PHACTR1: variants seen among roughly 807,000 people sequenced by gnomAD.
The protein encoded by PHACTR1 is phosphatase and actin regulator 1.
In PHACTR1, 16 loss-of-function variants were observed where a neutral mutation model predicts 69.2. That is an observed-to-expected ratio of 0.23 (90% CI 0.16 to 0.35). The LOEUF is 0.35. Among genes scored for constraint, PHACTR1 ranks in the 10% least tolerant of loss-of-function variants. PHACTR1 has a pLI of 1.00. For missense variants in PHACTR1, 510 were observed against 734.7 expected (o/e 0.69, Z 3.54); for synonymous variants, 312 against 284.5 (o/e 1.10, Z -0.97).
chr6:13,118,552 C>G (rs1481732321), intron 5 of PHACTR1, among the ~76,000 whole-genome samples: 1 of 145,410 alleles, frequency 6.9e-6, no homozygotes. Context: ...GATCTCGGCT[C>G]ACTGCAACCT....
intron 5 of PHACTR1, among the ~76,000 whole-genome samples, chr6:13,103,188 C>A (rs982998632): frequency 2.0e-5 from 3 of 152,136 alleles, no homozygotes; most frequent in African/African-American, 2.4e-5. Flanking sequence ...AAATGCCATG[C>A]TGTTAATTGC....
chr6:13,011,110 C>T (rs1177709385), intron 4 of PHACTR1, among the ~76,000 whole-genome samples: 1 of 152,140 alleles, frequency 6.6e-6, no homozygotes, highest in African/African-American at 2.4e-5. Flanking sequence ...TAATGATTCT[C>T]GAATTTAGTC....
chr6:13,110,006 GT>G (rs1816787434), intron 5 of PHACTR1, among the ~76,000 whole-genome samples: 1 of 151,332 alleles, frequency 6.6e-6, no homozygotes, highest in African/African-American at 2.4e-5. Flanking sequence ...TTTCTTTGTT[GT>G]TTTTTTAATA....
intron 4 of PHACTR1, among the ~76,000 whole-genome samples, chr6:12,889,752 T>C (rs1264105007): frequency 6.6e-6 from 1 of 151,842 alleles, no homozygotes; most frequent in Non-Finnish European, 1.5e-5. Context: ...TTTCTTCTTC[T>C]TCTTCTTCTT....
chr6:13,202,300 T>A (rs1341730726), intron 7 of PHACTR1, among the ~76,000 whole-genome samples: 1 of 152,182 alleles, frequency 6.6e-6, no homozygotes, highest in Non-Finnish European at 1.5e-5. Context: ...ATATAATCAC[T>A]GCTCCTTCCT....
At chr6:13,061,135 C>T (rs895050475) in intron 5 of PHACTR1, among the ~76,000 whole-genome samples, 1 of 152,176 alleles carries the variant, frequency 6.6e-6, no homozygotes, top group Non-Finnish European at 1.5e-5. Context: ...CATGGCATCT[C>T]TCTGTGTCTC....
At chr6:12,854,602 A>G (rs1210427380) in intron 4 of PHACTR1, among the ~76,000 whole-genome samples, 1 of 152,338 alleles carries the variant, frequency 6.6e-6, no homozygotes, top group African/African-American at 2.4e-5. Flanking sequence ...TAAACAGGCA[A>G]CCTACAGAAT....
Position 13,057,851 on chromosome 6 carries a change from A to G in PHACTR1, c.415+4322A>G, listed in dbSNP as rs117503951. Among the ~76,000 whole-genome samples, 129 of 152,300 alleles carry G rather than the reference A, an allele frequency of 8.5e-4. 2 individuals carry two copies. The East Asian group carries it at 0.024, about 29-fold the overall frequency. On this transcript the variant is annotated intron_variant, in intron 5 of 14. Transcript: ENST00000332995. The stretch of plus-strand genomic sequence containing the variant: ...TTCCTGTTCTAAGCTGAAGGCTGCC[A>G]TCCTTAAAAGGCCCTGAGCATTAAG...
At chr6:12,943,428 A>G (rs1212017587) in intron 4 of PHACTR1, among the ~76,000 whole-genome samples, 1 of 152,220 alleles carries the variant, frequency 6.6e-6, no homozygotes, top group Non-Finnish European at 1.5e-5. Context: ...TTATAGCACT[A>G]CGTAGTGTCG....
chr6:12,990,456 G>A (rs993430634), intron 4 of PHACTR1, among the ~76,000 whole-genome samples: 11 of 152,324 alleles, frequency 7.2e-5, no homozygotes, highest in South Asian at 2.1e-4. Context: ...AATTTCACTC[G>A]CTCGAACTTG....
intron 4 of PHACTR1, among the ~76,000 whole-genome samples, chr6:13,047,694 C>T (rs762922828): frequency 6.6e-6 from 1 of 152,140 alleles, no homozygotes; most frequent in African/African-American, 2.4e-5. Context: ...CCTCCTGCCT[C>T]TGGTGCTGAC....
chr6:13,124,794 A>G (rs1450509397), intron 5 of PHACTR1, among the ~76,000 whole-genome samples: 5 of 152,194 alleles, frequency 3.3e-5, no homozygotes, highest in African/African-American at 9.7e-5. Flanking sequence ...TGCTCACGTG[A>G]TGGAGAAAGC....
At chr6:13,084,208 G>T (rs1381832762) in intron 5 of PHACTR1, among the ~76,000 whole-genome samples, 6 of 151,946 alleles carry the variant, frequency 3.9e-5, no homozygotes, top group South Asian at 2.1e-4. Context: ...AAAATGATGA[G>T]TTCATGTCCT....
intron 10 of PHACTR1, among the ~76,000 whole-genome samples, chr6:13,249,999 C>A (rs1331578719): frequency 1.3e-5 from 2 of 152,096 alleles, no homozygotes; most frequent in African/African-American, 4.8e-5. Context: ...ACAGACTGAA[C>A]CCACCCCACT....
intron 4 of PHACTR1, among the ~76,000 whole-genome samples, chr6:12,805,723 C>G (rs1774246096): frequency 6.6e-6 from 1 of 151,938 alleles, no homozygotes; most frequent in South Asian, 2.1e-4. Context: ...GCCTCCGTTT[C>G]CTGAGTAGCT....
intron 4 of PHACTR1, among the ~76,000 whole-genome samples, chr6:13,006,351 C>T (rs1002266599): frequency 6.6e-6 from 1 of 152,144 alleles, no homozygotes; most frequent in African/African-American, 2.4e-5. Context: ...GAAAAACTAC[C>T]TAGCCGCTTT....
At chr6:13,244,622 C>T (rs1773333724) in intron 10 of PHACTR1, among the ~76,000 whole-genome samples, 1 of 152,212 alleles carries the variant, frequency 6.6e-6, no homozygotes, top group African/African-American at 2.4e-5. Context: ...CGATATTTCT[C>T]CCATTTGCTT....
intron 4 of PHACTR1, among the ~76,000 whole-genome samples, chr6:12,868,074 T>C (rs1781642005): frequency 6.6e-6 from 1 of 152,048 alleles, no homozygotes; most frequent in Admixed American, 6.5e-5. Context: ...CCTGGCCAAA[T>C]GGCGAAATCC....
chr6:13,285,346 T>C (rs539177223), intron 13 of PHACTR1, among the ~76,000 whole-genome samples: 7 of 152,238 alleles, frequency 4.6e-5, no homozygotes, highest in African/African-American at 1.7e-4. Context: ...GACTTTTCTC[T>C]CCTCAAACTC....
Sources: allele counts gnomAD v4.1 joint callset (sites outside exome capture counted in the v4.1 genomes callset), GRCh38; gene constraint gnomAD v4.1.1; transcripts MANE v1.5; gene names NCBI Gene and HGNC (gene_info 2026-07-23, HGNC 2026-07-21).